Variants in ZCCHC4 observed in about 807,000 individuals in gnomAD.
ZCCHC4 encodes rRNA N(6)-adenosine-methyltransferase ZCCHC4.
In ZCCHC4, 54 loss-of-function variants were observed where a neutral mutation model predicts 67.7. The observed-to-expected ratio is 0.80, with a 90% CI of 0.64 to 1.00. The LOEUF is 1.00. Among genes scored for constraint, ZCCHC4 ranks in the 50% least tolerant of loss-of-function variants. ZCCHC4 has a pLI of 0.00. For synonymous variants in ZCCHC4, 198 were observed against 213.5 expected (o/e 0.93, Z 0.63); for missense variants, 609 against 617.0 (o/e 0.99, Z 0.14).
At chr4:25,354,677 A>T (rs1203591270) in intron 8 of ZCCHC4, among the ~76,000 whole-genome samples, 1 of 151,414 alleles carries the variant, frequency 6.6e-6, no homozygotes, top group Non-Finnish European at 1.5e-5. Flanking sequence ...TTTTTTTTTT[A>T]AATAGTGATG....
rs1393154519 is a variant in ZCCHC4 at position 25,319,208 on chromosome 4, C to A, written c.329+3808C>A. Among the ~76,000 whole-genome samples, 5 of 151,630 alleles carry A rather than the reference C, an allele frequency of 3.3e-5. No individual in the cohort carries two copies. The East Asian group carries it at 9.7e-4, about 29-fold the overall frequency. ...ACCATCCTGGCTAACATGGTGAAAC[C>A]CCGTCTCTACTAAAAATACAAATAA... On this transcript the variant is annotated intron_variant, in intron 3 of 12. Transcript: ENST00000302874.
intron 6 of ZCCHC4, among the ~76,000 whole-genome samples, chr4:25,347,656 C>T (rs1720087412): frequency 6.6e-6 from 1 of 152,170 alleles, no homozygotes; most frequent in South Asian, 2.1e-4. Context: ...GGCTCAGTGC[C>T]TTTGAGGCTG....
intron 8 of ZCCHC4, among the ~76,000 whole-genome samples, chr4:25,353,745 G>A (rs1015369389): frequency 1.3e-5 from 2 of 152,114 alleles, no homozygotes; most frequent in African/African-American, 4.8e-5. Context: ...AATGAATGTG[G>A]CAATATATCT....
In ZCCHC4 at chr4:25,359,390, A is replaced by G. The variant is rs1309745567; in HGVS notation, c.1012-2469A>G. On this transcript the variant is annotated intron_variant, in intron 8 of 12. Coordinates refer to ENST00000302874, the MANE Select transcript of ZCCHC4 (RefSeq NM_024936.3). The surrounding 1 kb of genome is among the most constrained non-coding windows in gnomAD (Gnocchi z 4.9). ...GAGTTAGAAGCTGCCATGAATGGGG[A>G]CCTCCAGGCACAGGCGGGGCACCTG... Among the ~76,000 whole-genome samples the G allele has an allele frequency of 6.6e-6, 1 of 151,616 alleles. No individual in the cohort carries two copies. Among genetic ancestry groups the G allele is most frequent in the Non-Finnish European group, 1.5e-5 (1 of 67,906 alleles).
chr4:25,366,622 A>G (rs1436212874), intron 12 of ZCCHC4, among the ~76,000 whole-genome samples: 1 of 152,174 alleles, frequency 6.6e-6, no homozygotes, highest in Non-Finnish European at 1.5e-5. Flanking sequence ...AGCCTGAAGA[A>G]TCTTATAAAA....
chr4:25,362,373 T>C, intron 10 of ZCCHC4, 72 bp downstream of exon 10: 1 of 984,254 alleles, frequency 1.0e-6, no homozygotes, highest in Non-Finnish European at 1.4e-6. Context: ...GTTTTATTAC[T>C]TTTTCAATGT....
intron 3 of ZCCHC4, among the ~76,000 whole-genome samples, chr4:25,320,203 G>T (rs1718504740): frequency 6.6e-6 from 1 of 151,614 alleles, no homozygotes. Context: ...ATAGTTTTTA[G>T]CTGCCTGTTA....
intron 9 of ZCCHC4, 46 bp downstream of exon 9, chr4:25,362,026 A>G: frequency 1.3e-6 from 2 of 1,583,620 alleles, no homozygotes; most frequent in Non-Finnish European, 1.7e-6. Context: ...ACTGAAAATA[A>G]AGTTACATAT....
At chr4:25,313,915 A>C in intron 1 of ZCCHC4, 131 bp from the exon 2 acceptor site, 1 of 623,068 alleles carries the variant, frequency 1.6e-6, no homozygotes, top group Non-Finnish European at 2.8e-6. Context: ...CCAACCAAAG[A>C]GATGGATTTA....
At chr4:25,337,937 A>T (rs6846921) in intron 5 of ZCCHC4, among the ~76,000 whole-genome samples, 10,295 of 152,262 alleles carry the variant, frequency 0.068, 383 homozygotes, top group South Asian at 0.11. Context: ...AATTGCAAGA[A>T]TCCTTGGTTT....
chr4:25,351,097 G>T (rs1720277471), intron 7 of ZCCHC4, among the ~76,000 whole-genome samples: 2 of 152,154 alleles, frequency 1.3e-5, no homozygotes, highest in Admixed American at 1.3e-4. Flanking sequence ...TGTGTTCCCT[G>T]TCTCTCACAA....
rs1196333473 is a variant in ZCCHC4 at position 25,314,145 on chromosome 4, T to C, written c.227T>C (p.Phe76Ser). ...AGAGATAGAAAAGACTGTAATTTTT[T>C]TCAGTGGGAAGATGAAAAGGTATAT... ...ACRDRKDCNF[F>S]QWEDEKLSGA... The change falls in exon 2 of 13, where the codon TTT (phenylalanine) becomes TCT (serine). Residue 76 changes from phenylalanine (F) to serine (S), a missense_variant. By Grantham distance (155) the Phe-to-Ser change is radical (BLOSUM62 -2). Transcript: ENST00000302874. The C allele has an allele frequency of 6.3e-7, 1 of 1,598,634 alleles. No homozygotes were observed.
intron 3 of ZCCHC4, among the ~76,000 whole-genome samples, chr4:25,325,106 G>A (rs1172541228): frequency 7.5e-6 from 1 of 134,058 alleles, no homozygotes; most frequent in Non-Finnish European, 1.7e-5. Context: ...AGCCGGGCGA[G>A]GTAGTGGGCG....
chr4:25,330,002 A>C (rs1719098274), intron 3 of ZCCHC4, among the ~76,000 whole-genome samples: 4 of 149,942 alleles, frequency 2.7e-5, no homozygotes, highest in Admixed American at 2.7e-4. Context: ...TTAATTTTTT[A>C]CTTTTTTGAG....
At chr4:25,358,051 C>T (rs902803060) in intron 8 of ZCCHC4, among the ~76,000 whole-genome samples, 1 of 152,140 alleles carries the variant, frequency 6.6e-6, no homozygotes, top group Non-Finnish European at 1.5e-5. Context: ...ATTGAGAATG[C>T]TTGTGGATAA....
chr4:25,351,716 A>G (rs770954617), intron 8 of ZCCHC4, 27 bp downstream of exon 8: 11 of 1,544,974 alleles, frequency 7.1e-6, no homozygotes, highest in African/African-American at 4.1e-5. Context: ...GTTTTCTGGC[A>G]TGGTTGGGGA....
intron 3 of ZCCHC4, among the ~76,000 whole-genome samples, chr4:25,318,195 C>G (rs1238161849): frequency 6.6e-6 from 1 of 151,920 alleles, no homozygotes; most frequent in East Asian, 1.9e-4. Context: ...GTATTCTGTC[C>G]TTAACACTTT....
At chr4:25,363,071 C>T (rs1008148248) in intron 10 of ZCCHC4, among the ~76,000 whole-genome samples, 4 of 152,164 alleles carry the variant, frequency 2.6e-5, no homozygotes, top group Admixed American at 2.0e-4. Context: ...GTTTTACATT[C>T]TATGGGTTTG....
At chr4:25,321,773 C>T (rs1408223433) in intron 3 of ZCCHC4, among the ~76,000 whole-genome samples, 2 of 152,272 alleles carry the variant, frequency 1.3e-5, no homozygotes, top group East Asian at 3.9e-4. Context: ...CCTCAGCCTC[C>T]CGGGTAGCTG....
Sources: allele counts gnomAD v4.1 joint callset (sites outside exome capture counted in the v4.1 genomes callset), GRCh38; gene constraint gnomAD v4.1.1; non-coding constraint Gnocchi (gnomAD v3.1); transcripts MANE v1.5; gene names NCBI Gene and HGNC (gene_info 2026-07-23, HGNC 2026-07-21).